Variants in ADGRV1 observed in about 807,000 individuals in gnomAD.
The protein encoded by ADGRV1 is adhesion G protein-coupled receptor V1.
Under a neutral mutation model 596.2 loss-of-function variants are expected in ADGRV1, and 359 were observed. That is an observed-to-expected ratio of 0.60 (90% CI 0.55 to 0.66). The LOEUF is 0.66. Among genes scored for constraint, ADGRV1 ranks in the 30% least tolerant of loss-of-function variants. The pLI is 0.00. For missense variants in ADGRV1, 7,274 were observed against 7,575.6 expected (o/e 0.96, Z 1.48); for synonymous variants, 2,681 against 2,679.2 (o/e 1.00, Z -0.02).
At chr5:91,038,951 A>G (rs900203843) in intron 85 of ADGRV1, among the ~76,000 whole-genome samples, 6 of 152,200 alleles carry the variant, frequency 3.9e-5, no homozygotes, top group African/African-American at 1.2e-4. Flanking sequence ...TGATGCCATC[A>G]TTAATGCTCC....
At position 90,851,134 on chromosome 5, in the gene ADGRV1, T is replaced by TGTGTGTGTGTGTGAGA. The variant is rs757909771; in HGVS notation, c.17205-2149_17205-2148insTGTGTGTGTGTGAGAG. On this transcript the variant is annotated intron_variant, in intron 79 of 89. Transcript: ENST00000405460. ...GTGTGTGTGTGTGTGTGTGTGTGTG[T>TGTGTGTGTGTGTGAGA]GAGAGAGAGAGAGAGAGAGAGAGAG... Among the ~76,000 whole-genome samples, 66 of 81,504 alleles carry TGTGTGTGTGTGTGAGA rather than the reference T, an allele frequency of 8.1e-4. 2 individuals carry two copies. Among genetic ancestry groups the TGTGTGTGTGTGTGAGA allele is most frequent in the Middle Eastern group, 7.5e-3 (1 of 134 alleles). The allele number at this position is 81,504 out of a possible 152,430, so 53.5% of individuals were successfully genotyped here.
intron 86 of ADGRV1, among the ~76,000 whole-genome samples, chr5:91,073,419 G>A (rs1270750886): frequency 6.6e-6 from 1 of 152,156 alleles, no homozygotes; most frequent in Admixed American, 6.5e-5. Flanking sequence ...AATTCCTCAC[G>A]TTTTAAGTGC....
At chr5:91,070,456 G>A (rs1047398436) in intron 85 of ADGRV1, among the ~76,000 whole-genome samples, 1 of 152,156 alleles carries the variant, frequency 6.6e-6, no homozygotes, top group African/African-American at 2.4e-5. Context: ...AATAGAGGAG[G>A]TGGGGAAAAT....
At chr5:90,590,556 AGAAACTTC>A (rs1413549798) in intron 1 of ADGRV1, among the ~76,000 whole-genome samples, 1 of 152,208 alleles carries the variant, frequency 6.6e-6, no homozygotes, top group Non-Finnish European at 1.5e-5. Context: ...AGGACTGGGC[AGAAACTTC>A]AAAACAACTT....
At chr5:91,025,303 C>T (rs556172375) in intron 85 of ADGRV1, among the ~76,000 whole-genome samples, 1 of 151,798 alleles carries the variant, frequency 6.6e-6, no homozygotes, top group Non-Finnish European at 1.5e-5. Context: ...TAACATGTTA[C>T]AGAAGCAATA....
intron 87 of ADGRV1, among the ~76,000 whole-genome samples, chr5:91,108,113 C>T (rs1379591735): frequency 6.6e-6 from 1 of 152,122 alleles, no homozygotes; most frequent in Non-Finnish European, 1.5e-5. Context: ...GTACCAGATG[C>T]TTAGTGAATC....
chr5:90,907,897 C>CT (rs1348140810), intron 83 of ADGRV1, among the ~76,000 whole-genome samples: 1 of 152,154 alleles, frequency 6.6e-6, no homozygotes, highest in Non-Finnish European at 1.5e-5. Flanking sequence ...GTCACCCAGG[C>CT]TGGAGTGCAG....
In ADGRV1 at chr5:90,706,402, T is replaced by TC. The variant is rs2149697190; in HGVS notation, c.8730+9dup. 9.6e-6 allele frequency: 14 copies of TC among 1,453,542 alleles called. No individual in the cohort carries two copies. In the South Asian group the frequency reaches 1.7e-4, roughly 18 times the overall value. The allele number at this position is 1,453,542 out of a possible 1,614,324, so 90.0% of individuals were successfully genotyped here. ...AACATTACCATTCTTGAGGTAAAACTCTTTTTTTTTTTTAATCTTAGGGGG... is the reference window on the plus strand; with the variant it reads ...AACATTACCATTCTTGAGGTAAAACTCCTTTTTTTTTTTTAATCTTAGGGGG... On this transcript the variant is annotated intron_variant, in intron 38 of 89. Transcript: ENST00000405460.
intron 85 of ADGRV1, among the ~76,000 whole-genome samples, chr5:91,050,850 C>A (rs1367722634): frequency 6.6e-6 from 1 of 152,118 alleles, no homozygotes; most frequent in African/African-American, 2.4e-5. Flanking sequence ...TGGAGTGAGA[C>A]CCTGTCTTGA....
rs1434874972 is a variant in ADGRV1 at position 90,853,151 on chromosome 5, T to C, written c.17205-133T>C. On this transcript the variant is annotated intron_variant, in intron 79 of 89. Transcript: ENST00000405460. The stretch of plus-strand genomic sequence containing the variant: ...AGAACTGAAGGCACATTCTATTTAC[T>C]GCTTCTGGGTTTGTTGTGTTATTGT... The C allele has an allele frequency of 1.1e-5, 9 of 808,892 alleles. No homozygotes were observed. The Admixed American group carries it at 2.1e-4, about 19-fold the overall frequency. 50.1% of individuals were successfully genotyped at this position (808,892 alleles called of 1,614,324 possible). A position where few individuals can be genotyped will look rare whatever the true frequency, so the allele number is the denominator to read the frequency against.
rs535670075 is a variant in ADGRV1 at position 91,090,430 on chromosome 5, A to G, written c.18311-11789A>G. On this transcript the variant is annotated intron_variant, in intron 86 of 89. Transcript: ENST00000405460. ...TTGTACCATTTTTTTTTCAACCCCA[A>G]TAAATCACATTCAAAGTAGACCTGA... Among the ~76,000 whole-genome samples, 8 of 152,184 alleles carry G rather than the reference A, an allele frequency of 5.3e-5. No homozygotes were observed. In the South Asian group the frequency reaches 1.7e-3, roughly 32 times the overall value.
chr5:90,820,767 G>T (rs947886479), intron 75 of ADGRV1, among the ~76,000 whole-genome samples: 1 of 151,622 alleles, frequency 6.6e-6, no homozygotes, highest in Non-Finnish European at 1.5e-5. Context: ...GGCTTGTAGG[G>T]TTTCTGCCGA....
At chr5:90,962,952 A>G (rs1034946266) in intron 83 of ADGRV1, among the ~76,000 whole-genome samples, 2 of 152,218 alleles carry the variant, frequency 1.3e-5, no homozygotes, top group Non-Finnish European at 2.9e-5. Context: ...CATATTGAAA[A>G]AGAAAAGAAT....
chr5:90,721,167 G>GA, intron 45 of ADGRV1, 108 bp downstream of exon 45: 1 of 949,188 alleles, frequency 1.1e-6, no homozygotes, highest in East Asian at 3.0e-5. Context: ...TTTGAAAATG[G>GA]AAAACAGATA....
chr5:90,872,138 TG>T (rs1304433908), intron 83 of ADGRV1, among the ~76,000 whole-genome samples: 1 of 152,168 alleles, frequency 6.6e-6, no homozygotes, highest in Admixed American at 6.5e-5. Context: ...GGGGAGAATT[TG>T]GGGCCCCACC....
At chr5:90,862,914 A>G (rs1355961917) in intron 82 of ADGRV1, among the ~76,000 whole-genome samples, 1 of 152,242 alleles carries the variant, frequency 6.6e-6, no homozygotes, top group East Asian at 1.9e-4. Flanking sequence ...AAAAGAAAAC[A>G]AAATGTTAAA....
intron 87 of ADGRV1, among the ~76,000 whole-genome samples, chr5:91,138,077 A>G (rs2126829035): frequency 6.6e-6 from 1 of 152,268 alleles, no homozygotes; most frequent in South Asian, 2.1e-4. Flanking sequence ...TGCTGAGACA[A>G]CAGGCTAACC....
At position 90,644,721 on chromosome 5, in the gene ADGRV1, T is replaced by A. The variant is rs772929405; in HGVS notation, c.2750T>A (p.Val917Glu). Residue 917 changes from valine to glutamate, a missense_variant, in exon 15 of 90, where the codon GTA (valine) becomes GAA (glutamate). By Grantham distance (121) the Val-to-Glu change is moderately radical (BLOSUM62 -2). Transcript: ENST00000405460. Reference protein sequence around the residue: ...DAIYSAVYDVVRNRGNFGDVS... With the variant: ...DAIYSAVYDVERNRGNFGDVS... ...CATTTCACAGCTGTTTATGATGTAG[T>A]AAGAAATCGAGGCAACTTTGGTGAT... 1 of 1,609,154 alleles carries A rather than the reference T, an allele frequency of 6.2e-7. No homozygotes were observed. The highest frequency in any genetic ancestry group is 8.5e-7 in the Non-Finnish European group (1 of 1,178,398).
At chr5:90,874,040 C>T (rs1335424194) in intron 83 of ADGRV1, among the ~76,000 whole-genome samples, 2 of 152,142 alleles carry the variant, frequency 1.3e-5, no homozygotes, top group Non-Finnish European at 2.9e-5. Context: ...ACTAAATTGA[C>T]TCTAATCATT....
Sources: allele counts gnomAD v4.1 joint callset (sites outside exome capture counted in the v4.1 genomes callset), GRCh38; gene constraint gnomAD v4.1.1; transcripts MANE v1.5; gene names NCBI Gene and HGNC (gene_info 2026-07-23, HGNC 2026-07-21).